GALNTL6: variants seen among roughly 807,000 people sequenced by gnomAD.
GALNTL6 encodes the protein polypeptide N-acetylgalactosaminyltransferase-like 6.
GALNTL6 carries 46 observed loss-of-function variants against 73.7 expected under a neutral mutation model. That is an observed-to-expected ratio of 0.62 (90% CI 0.49 to 0.80). The LOEUF is 0.80. GALNTL6 is among the 30% of genes least tolerant of loss of function. The pLI is 0.00. For synonymous variants in GALNTL6, 259 were observed against 263.7 expected (o/e 0.98, Z 0.17); for missense variants, 604 against 755.0 (o/e 0.80, Z 2.34).
At chr4:172,437,718 A>C (rs1270749406) in intron 5 of GALNTL6, among the ~76,000 whole-genome samples, 1 of 152,116 alleles carries the variant, frequency 6.6e-6, no homozygotes, top group Non-Finnish European at 1.5e-5. Flanking sequence ...AGCATGTAAT[A>C]ATCCAGGAAG....
intron 3 of GALNTL6, among the ~76,000 whole-genome samples, chr4:172,298,464 C>G (rs1419344418): frequency 1.3e-5 from 2 of 152,098 alleles, no homozygotes; most frequent in East Asian, 3.9e-4. Flanking sequence ...AGTTTTTGCC[C>G]ATTCAGTATG....
chr4:172,156,544 T>TATATATATATATATATATATACATA (rs1553997701), intron 2 of GALNTL6, among the ~76,000 whole-genome samples: 5 of 67,948 alleles, frequency 7.4e-5, no homozygotes, highest in Non-Finnish European at 1.1e-4. Context: ...ATATATAATA[T>TATATATATATATATATATATACATA]ATATATATAT....
intron 5 of GALNTL6, among the ~76,000 whole-genome samples, chr4:172,551,160 G>T (rs779455509): frequency 4.6e-5 from 7 of 152,150 alleles, no homozygotes; most frequent in Non-Finnish European, 7.4e-5. Flanking sequence ...TCTGATTTTG[G>T]TTTTTGCTTA....
intron 2 of GALNTL6, among the ~76,000 whole-genome samples, chr4:172,193,929 T>A (rs1185734629): frequency 6.6e-6 from 1 of 152,106 alleles, no homozygotes; most frequent in Non-Finnish European, 1.5e-5. Flanking sequence ...AGAGTGCCTC[T>A]TCTCCAAATG....
At chr4:172,643,297 T>G (rs901104894) in intron 5 of GALNTL6, among the ~76,000 whole-genome samples, 1 of 151,944 alleles carries the variant, frequency 6.6e-6, no homozygotes, top group Non-Finnish European at 1.5e-5. Flanking sequence ...ACAACTATGA[T>G]TTAATTAATT....
At position 171,903,049 on chromosome 4, in the gene GALNTL6, A is replaced by T. The variant is rs1737148376; in HGVS notation, c.138+88331A>T. On this transcript the variant is annotated intron_variant, in intron 2 of 12. Coordinates refer to ENST00000506823, the MANE Select transcript of GALNTL6 (RefSeq NM_001034845.3). ...ACGAAGAAGGAGTCTAAAAACATCA[A>T]ATGGAAGCTCATATTCTAACTCAAG... Among the ~76,000 whole-genome samples, 3 of 152,180 alleles carry T rather than the reference A, an allele frequency of 2.0e-5. No individual in the cohort carries two copies. In the South Asian group the frequency reaches 6.2e-4, roughly 31 times the overall value.
chr4:172,715,044 A>T (rs1249987276), intron 5 of GALNTL6, among the ~76,000 whole-genome samples: 2 of 152,124 alleles, frequency 1.3e-5, no homozygotes. Context: ...GGTCAACAAA[A>T]TTCATTAAGA....
At chr4:172,566,516 C>A (rs1199709577) in intron 5 of GALNTL6, among the ~76,000 whole-genome samples, 1 of 151,362 alleles carries the variant, frequency 6.6e-6, no homozygotes, top group South Asian at 2.1e-4. Context: ...CACAACATAC[C>A]AAAACTTGTA....
At chr4:173,008,064 C>G (rs1301850613) in intron 10 of GALNTL6, among the ~76,000 whole-genome samples, 2 of 152,204 alleles carry the variant, frequency 1.3e-5, no homozygotes, top group African/African-American at 4.8e-5. Context: ...TTTGCTAATA[C>G]TCTAGAGTGA....
chr4:172,945,109 G>A (rs900715520), intron 9 of GALNTL6, among the ~76,000 whole-genome samples: 1 of 150,448 alleles, frequency 6.6e-6, no homozygotes, highest in Non-Finnish European at 1.5e-5. Context: ...AATACATGCA[G>A]CTGCAGCTAC....
intron 3 of GALNTL6, among the ~76,000 whole-genome samples, chr4:172,248,314 G>A (rs1247205579): frequency 6.6e-6 from 1 of 152,160 alleles, no homozygotes; most frequent in Non-Finnish European, 1.5e-5. Flanking sequence ...CTTTGTAGAT[G>A]CACAGCAAGG....
chr4:172,269,716 T>A (rs527332147), intron 3 of GALNTL6, among the ~76,000 whole-genome samples: 2 of 150,292 alleles, frequency 1.3e-5, no homozygotes, highest in East Asian at 4.1e-4. Flanking sequence ...GTCCTGTTTT[T>A]ATGCATTCTC....
intron 2 of GALNTL6, among the ~76,000 whole-genome samples, chr4:171,907,178 T>G (rs999399250): frequency 6.6e-6 from 1 of 151,988 alleles, no homozygotes; most frequent in African/African-American, 2.4e-5. Context: ...TAAAGGGTAT[T>G]CAATTAGGAA....
intron 5 of GALNTL6, among the ~76,000 whole-genome samples, chr4:172,595,680 T>G (rs887842587): frequency 6.6e-6 from 1 of 152,212 alleles, no homozygotes; most frequent in East Asian, 1.9e-4. Context: ...AATGGCAAAC[T>G]ATTTTTTTTC....
chr4:172,092,427 C>T (rs918518901), intron 2 of GALNTL6, among the ~76,000 whole-genome samples: 6 of 151,926 alleles, frequency 3.9e-5, no homozygotes, highest in Admixed American at 6.6e-5. Flanking sequence ...ATAAAATAAG[C>T]GTGTTTCTTA....
chr4:172,407,581 A>C (rs1458637432), intron 5 of GALNTL6, among the ~76,000 whole-genome samples: 1 of 152,054 alleles, frequency 6.6e-6, no homozygotes, highest in Admixed American at 6.6e-5. Context: ...TGAACTTCAT[A>C]TTGGGGAAAA....
chr4:172,022,325 C>CTAGA, intron 2 of GALNTL6, among the ~76,000 whole-genome samples: 1 of 152,100 alleles, frequency 6.6e-6, no homozygotes, highest in Middle Eastern at 3.4e-3. Flanking sequence ...AGTTTATGAA[C>CTAGA]TAGAGCCTTC....
intron 5 of GALNTL6, chr4:172,667,103 C>T (rs1731707004): frequency 6.6e-6 from 1 of 152,212 alleles, no homozygotes; most frequent in Non-Finnish European, 1.5e-5. Context: ...TCTACTCACT[C>T]CTTTCTAGGC....
intron 2 of GALNTL6, among the ~76,000 whole-genome samples, chr4:172,014,509 T>G (rs1375469401): frequency 6.6e-6 from 1 of 152,044 alleles, no homozygotes; most frequent in Non-Finnish European, 1.5e-5. Context: ...TGTTTGCCAT[T>G]TGTGTTTCTC....
Sources: allele counts gnomAD v4.1 joint callset (sites outside exome capture counted in the v4.1 genomes callset), GRCh38; gene constraint gnomAD v4.1.1; transcripts MANE v1.5; gene names NCBI Gene and HGNC (gene_info 2026-07-23, HGNC 2026-07-21).